WNT7B: variants seen among roughly 807,000 people sequenced by gnomAD.
WNT7B encodes Wnt family member 7B.
Under a neutral mutation model 38.2 loss-of-function variants are expected in WNT7B, and 19 were observed. That is an observed-to-expected ratio of 0.50 (90% CI 0.35 to 0.73). WNT7B has a LOEUF of 0.73. Among genes scored for constraint, WNT7B ranks in the 30% least tolerant of loss-of-function variants. The pLI is 0.01. For synonymous variants in WNT7B, 243 were observed against 209.3 expected, an observed-to-expected ratio of 1.16 and a Z score of -1.39; for missense variants, 423 against 507.9, an observed-to-expected ratio of 0.83 and a Z score of 1.61.
In WNT7B at chr22:45,950,016, T is replaced by A; in HGVS notation, c.202A>T (p.Met68Leu). The A allele has an allele frequency of 6.2e-7, 1 of 1,613,994 alleles. No homozygotes were observed. The highest frequency in any genetic ancestry group is 1.3e-5 in the African/African-American group (1 of 75,074). Residue 68 changes from methionine to leucine, a missense_variant, in exon 2 of 4, where the codon ATG becomes TTG. Coordinates refer to ENST00000339464, the MANE Select transcript of WNT7B (RefSeq NM_058238.3). Reference protein sequence around the residue: ...AIIVIGEGAQMGINECQYQFR... With the variant: ...AIIVIGEGAQLGINECQYQFR... ...TGGTACTGGCACTCGTTGATGCCCA[T>A]CTGCGCCCCCTCCCCAATCACAATG... is the stretch of plus-strand genomic sequence containing the variant.
chr22:45,941,743 C>A (rs896184544), intron 2 of WNT7B, among the ~76,000 whole-genome samples: 1 of 152,176 alleles, frequency 6.6e-6, no homozygotes, highest in Non-Finnish European at 1.5e-5. Flanking sequence ...CCCCACCTCC[C>A]GGGGCCAACT....
chr22:45,942,100 A>T (rs931707063), intron 2 of WNT7B, among the ~76,000 whole-genome samples: 1 of 152,058 alleles, frequency 6.6e-6, no homozygotes. Context: ...GATGGGGAGT[A>T]CTGTCCCCGC....
intron 2 of WNT7B, among the ~76,000 whole-genome samples, chr22:45,935,445 C>T (rs1172884888): frequency 6.6e-6 from 1 of 152,210 alleles, no homozygotes; most frequent in Admixed American, 6.5e-5. Context: ...CTGCTGGCTT[C>T]CTGCCGCCTG....
At chr22:45,942,005 G>A (rs1931661399) in intron 2 of WNT7B, among the ~76,000 whole-genome samples, 1 of 152,120 alleles carries the variant, frequency 6.6e-6, no homozygotes, top group Admixed American at 6.5e-5. Context: ...CTGGGACACG[G>A]CTGGCTGGGG....
chr22:45,925,011 T>A (rs532429702), intron 3 of WNT7B: 3 of 915,600 alleles, frequency 3.3e-6, no homozygotes, highest in South Asian at 1.0e-4. Context: ...CAAAGTCTCA[T>A]CAGGCAGGTG....
rs182299942 is a variant in WNT7B, at chr22:45,925,736, G to A, written c.571-2401C>T. The A allele has an allele frequency of 1.0e-2, 9,851 of 985,336 alleles. 74 individuals carry two copies. The highest frequency in any genetic ancestry group is 0.036 in the Middle Eastern group (69 of 1,914). 61.0% of individuals were successfully genotyped at this position (985,336 alleles called of 1,614,324 possible). A position where few individuals can be genotyped will look rare whatever the true frequency, so the allele number is the denominator to read the frequency against. ...TGCTCGGATGCTCCCCAGGCCAGGCGCCACCCCAGGAGCTGCCCTGATGGT... is the reference window on the plus strand; with the variant it reads ...TGCTCGGATGCTCCCCAGGCCAGGCACCACCCCAGGAGCTGCCCTGATGGT... On this transcript the variant is annotated intron_variant, in intron 3 of 3. Transcript: ENST00000339464.
rs1206535155 is a variant in WNT7B, at chr22:45,950,035, C to G, written c.183G>C (p.Val61=). ...TGCCCATCTGCGCCCCCTCCCCAAT[C>G]ACAATGATGGCATCGGGCCGACTCT... is the stretch of plus-strand genomic sequence containing the variant. ...ICQSRPDAII[V]IGEGAQMGIN... The change falls in exon 2 of 4, where the codon GTG becomes GTC. Residue 61 remains valine, a synonymous_variant. Transcript: ENST00000339464. The G allele has an allele frequency of 1.4e-5, 22 of 1,613,922 alleles. No individual in the cohort carries two copies. The highest frequency in any genetic ancestry group is 1.9e-5 in the Non-Finnish European group (22 of 1,180,052).
rs139899646 is a variant in WNT7B, at chr22:45,931,896, G to C, written c.299-527C>G. On this transcript the variant is annotated intron_variant, in intron 2 of 3. Transcript: ENST00000339464. Reference sequence around the variant, plus strand: ...GGCCACGGGGAGCATGGGGGGCCTCGTCCCCACCCCCAGCCAGGAACCCAG... The same window carrying C: ...GGCCACGGGGAGCATGGGGGGCCTCCTCCCCACCCCCAGCCAGGAACCCAG... 2.0e-3 allele frequency among the ~76,000 whole-genome samples: 299 copies of C among 152,256 alleles called. 3 individuals carry two copies. The highest frequency in any genetic ancestry group is 6.9e-3 in the African/African-American group (285 of 41,542).
At chr22:45,925,764 C>T in intron 3 of WNT7B, 1 of 985,418 alleles carries the variant, frequency 1.0e-6, no homozygotes, top group Non-Finnish European at 1.2e-6. Flanking sequence ...CTGATGGTGG[C>T]CCCTCTCGGA....
At chr22:45,925,928 C>T (rs972419093) in intron 3 of WNT7B, 19 of 985,248 alleles carry the variant, frequency 1.9e-5, no homozygotes, top group African/African-American at 8.7e-5. Flanking sequence ...CTGCTGTGGC[C>T]CAGGATGGCT....
At chr22:45,964,741 T>C (rs965953364) in intron 1 of WNT7B, among the ~76,000 whole-genome samples, 1 of 152,074 alleles carries the variant, frequency 6.6e-6, no homozygotes, top group African/African-American at 2.4e-5. Flanking sequence ...CAAGTGGCCA[T>C]CAGACTGACA....
chr22:45,973,208 G>T (rs1339503231), intron 1 of WNT7B, among the ~76,000 whole-genome samples: 2 of 152,252 alleles, frequency 1.3e-5, no homozygotes, highest in Non-Finnish European at 2.9e-5. Context: ...TTGTGGAGAA[G>T]TAGACCTACA....
In WNT7B at chr22:45,976,654, G is replaced by A. The variant is rs770485628; in HGVS notation, c.71+30C>T. The A allele has an allele frequency of 6.9e-6, 11 of 1,599,394 alleles. No individual in the cohort carries two copies. In the African/African-American group the frequency reaches 1.3e-4, roughly 20 times the overall value. On this transcript the variant is annotated intron_variant, in intron 1 of 3. Transcript: ENST00000339464. The surrounding 1 kb of genome is among the most constrained non-coding windows in gnomAD (Gnocchi z 8.5). ...GCTCCTTCGTGCTGTCTTGGCCCCTGGCTGCTGCCCTCGCCCACGGGGTAC... is the reference window on the plus strand; with the variant it reads ...GCTCCTTCGTGCTGTCTTGGCCCCTAGCTGCTGCCCTCGCCCACGGGGTAC...
intron 1 of WNT7B, among the ~76,000 whole-genome samples, chr22:45,974,251 C>G (rs910706003): frequency 2.0e-5 from 3 of 152,152 alleles, no homozygotes; most frequent in Non-Finnish European, 4.4e-5. Context: ...TTAAAGGGCT[C>G]ACTCAAGGCC....
chr22:45,969,013 T>G, intron 1 of WNT7B, among the ~76,000 whole-genome samples: 1 of 152,198 alleles, frequency 6.6e-6, no homozygotes, highest in Admixed American at 6.5e-5. Context: ...AAGGGCAACC[T>G]GAACACGCCT....
chr22:45,934,692 C>A (rs1931467458), intron 2 of WNT7B, among the ~76,000 whole-genome samples: 1 of 152,228 alleles, frequency 6.6e-6, no homozygotes, highest in African/African-American at 2.4e-5. Flanking sequence ...TTCCAGCCTC[C>A]CGCAAGCGCC....
chr22:45,954,813 GC>G (rs1226544028), intron 1 of WNT7B: 1 of 969,396 alleles, frequency 1.0e-6, no homozygotes, highest in Non-Finnish European at 1.2e-6. Flanking sequence ...TTAACTCTGG[GC>G]CGTTGGGACC....
intron 2 of WNT7B, 51 bp from the exon 3 acceptor site, chr22:45,931,420 TGGGCTCA>T (rs752556451): frequency 2.0e-6 from 3 of 1,523,292 alleles, no homozygotes; most frequent in African/African-American, 2.7e-5. Flanking sequence ...CTGGGCCAGG[TGGGCTCA>T]GGGGACAGGG....
Position 45,975,285 on chromosome 22 carries a change from A to G in WNT7B, c.71+1399T>C, listed in dbSNP as rs1311231762. Among the ~76,000 whole-genome samples the G allele has an allele frequency of 6.6e-6, 1 of 152,194 alleles. No homozygotes were observed. The highest frequency in any genetic ancestry group is 1.5e-5 in the Non-Finnish European group (1 of 68,032). ...TGAGGGGCCCAGCGGGAGTCACTGC[A>G]GGACTGCTGAAGATGCAGGAAAAGA... On this transcript the variant is annotated intron_variant, in intron 1 of 3. Coordinates refer to ENST00000339464, the MANE Select transcript of WNT7B (RefSeq NM_058238.3). This position sits in a 1 kb window ranked among gnomAD's most constrained non-coding sequence, Gnocchi z 6.6.
Sources: allele counts gnomAD v4.1 joint callset (sites outside exome capture counted in the v4.1 genomes callset), GRCh38; gene constraint gnomAD v4.1.1; non-coding constraint Gnocchi (gnomAD v3.1); transcripts MANE v1.5; gene names NCBI Gene and HGNC (gene_info 2026-07-23, HGNC 2026-07-21).